Variants in HGSNAT observed in about 807,000 individuals in gnomAD.
The protein encoded by HGSNAT is transmembrane protein 76.
Under a neutral mutation model 85.2 loss-of-function variants are expected in HGSNAT, and 59 were observed. That is an observed-to-expected ratio of 0.69 (90% CI 0.56 to 0.86). The LOEUF (loss-of-function observed/expected upper bound fraction) is 0.86. Among genes scored for constraint, HGSNAT ranks in the 40% least tolerant of loss-of-function variants. The pLI is 0.00. For synonymous variants in HGSNAT, 321 were observed against 304.5 expected, an observed-to-expected ratio of 1.05 and a Z score of -0.56; for missense variants, 756 against 777.1, an observed-to-expected ratio of 0.97 and a Z score of 0.32.
chr8:43,169,204 G>A lies in HGSNAT; in HGVS notation c.595G>A (p.Ala199Thr). The A allele has an allele frequency of 6.3e-7, 1 of 1,583,486 alleles. No homozygotes were observed. The highest frequency in any genetic ancestry group is 8.6e-7 in the Non-Finnish European group (1 of 1,163,298). ...LDDFNNWISK[A>T]ISSRETDRLI... The stretch of plus-strand genomic sequence containing the variant: ...TGACTTTAACAATTGGATTTCTAAA[G>A]CCATAAGTTCTCGAGAAACTGATCG... The change falls in exon 6 of 18, where the codon GCC (alanine) becomes ACC (threonine). Residue 199 changes from alanine (A) to threonine (T), a missense_variant. By Grantham distance (58) the Ala-to-Thr change is moderately conservative. Coordinates refer to ENST00000379644, the MANE Select transcript of HGSNAT (RefSeq NM_152419.3).
chr8:43,169,869 G>A (rs1045459545), intron 6 of HGSNAT, among the ~76,000 whole-genome samples: 3 of 152,188 alleles, frequency 2.0e-5, no homozygotes, highest in Non-Finnish European at 4.4e-5. Flanking sequence ...TGCCCAGGCT[G>A]GAGTTCAGTG....
chr8:43,141,702 T>C (rs1448123364), intron 1 of HGSNAT, among the ~76,000 whole-genome samples: 1 of 152,034 alleles, frequency 6.6e-6, no homozygotes, highest in Non-Finnish European at 1.5e-5. Context: ...AGAAAGGCGT[T>C]GTGAATTTTG....
intron 2 of HGSNAT, among the ~76,000 whole-genome samples, chr8:43,157,607 C>G (rs905857698): frequency 6.6e-6 from 1 of 152,084 alleles, no homozygotes; most frequent in Non-Finnish European, 1.5e-5. Flanking sequence ...AAAACCCCAT[C>G]TCTACCAAAA....
chr8:43,196,547 C>T (rs1177767873), intron 14 of HGSNAT: 3 of 1,281,016 alleles, frequency 2.3e-6, no homozygotes, highest in Admixed American at 2.3e-5. Context: ...CCAGGTGCCC[C>T]TTCTCCTCCT....
rs989991737 is a variant in HGSNAT at position 43,194,111 on chromosome 8, C to A, written c.1464+268C>A. 11 of 1,208,232 alleles carry A rather than the reference C, an allele frequency of 9.1e-6. No individual in the cohort carries two copies. The African/African-American group carries it at 1.6e-4, about 17-fold the overall frequency. The allele number at this position is 1,208,232 out of a possible 1,614,324, so 74.8% of individuals were successfully genotyped here. The stretch of plus-strand genomic sequence containing the variant: ...ACGGCAGTTTCTAGATAAAAGGTTT[C>A]CCTTGCCAAGCTGCAGTGGCTCATG... On this transcript the variant is annotated intron_variant, in intron 14 of 17. Transcript: ENST00000379644.
chr8:43,142,684 C>G (rs1042519596), intron 1 of HGSNAT, among the ~76,000 whole-genome samples: 2 of 152,118 alleles, frequency 1.3e-5, no homozygotes, highest in Admixed American at 6.5e-5. Context: ...TTTAATTGGT[C>G]TGGAATGGGG....
intron 5 of HGSNAT, among the ~76,000 whole-genome samples, chr8:43,165,026 G>A (rs1803388653): frequency 6.6e-6 from 1 of 150,512 alleles, no homozygotes; most frequent in African/African-American, 2.5e-5. Flanking sequence ...GGGACTAGAG[G>A]CATGTGCCAC....
chr8:43,188,401 A>G (rs1015044062), intron 11 of HGSNAT, among the ~76,000 whole-genome samples: 2 of 152,088 alleles, frequency 1.3e-5, no homozygotes, highest in Non-Finnish European at 2.9e-5. Flanking sequence ...TTGATCTTCA[A>G]TCACTGATAC....
Position 43,146,974 on chromosome 8 carries a change from C to G in HGSNAT, c.145C>G (p.Leu49Val), listed in dbSNP as rs372961495. The G allele has an allele frequency of 1.9e-6, 3 of 1,604,476 alleles. No individual in the cohort carries two copies. The highest frequency in any genetic ancestry group is 4.5e-5 in the East Asian group (2 of 44,730). Reference protein sequence around the residue: ...RDLDKKRHAELKMDQALLLIH... With the variant: ...RDLDKKRHAEVKMDQALLLIH... ...CTTAGACAAAAAAAGACATGCAGAG[C>G]TGAAGATGGATCAGGCTTTGCTACT... Residue 49 changes from leucine to valine, a missense_variant, in exon 2 of 18, where the codon CTG becomes GTG. By Grantham distance (32) the Leu-to-Val change is conservative. Coordinates refer to ENST00000379644, the MANE Select transcript of HGSNAT (RefSeq NM_152419.3).
intron 5 of HGSNAT, among the ~76,000 whole-genome samples, chr8:43,162,707 A>G (rs1024450653): frequency 6.6e-6 from 1 of 151,184 alleles, no homozygotes; most frequent in African/African-American, 2.4e-5. Context: ...ATGCATCACC[A>G]TGCCTGGCTA....
chr8:43,196,401 T>G, intron 14 of HGSNAT: 1 of 1,231,086 alleles, frequency 8.1e-7, no homozygotes. Context: ...CTGCCTCTGG[T>G]TCCACCCTGT....
chr8:43,199,010 T>C (rs1015954678), intron 17 of HGSNAT, among the ~76,000 whole-genome samples: 2 of 152,180 alleles, frequency 1.3e-5, no homozygotes, highest in African/African-American at 4.8e-5. Flanking sequence ...CAAGTGATTC[T>C]TGTGCCTCAG....
chr8:43,150,650 G>A lies in HGSNAT; in HGVS notation c.234+3587G>A, dbSNP rs189462212. 9.1e-4 allele frequency among the ~76,000 whole-genome samples: 139 copies of A among 152,122 alleles called. No individual in the cohort carries two copies. In the East Asian group the frequency reaches 0.016, roughly 18 times the overall value. ...AGATCGAGACCATCCTGGCCAACACGGTGAAACCCTGTCTCTACTAAAAAA... is the reference window on the plus strand; with the variant it reads ...AGATCGAGACCATCCTGGCCAACACAGTGAAACCCTGTCTCTACTAAAAAA... On this transcript the variant is annotated intron_variant, in intron 2 of 17. Coordinates refer to ENST00000379644, the MANE Select transcript of HGSNAT (RefSeq NM_152419.3).
intron 1 of HGSNAT, among the ~76,000 whole-genome samples, chr8:43,146,490 C>T (rs995437889): frequency 6.6e-6 from 1 of 152,092 alleles, no homozygotes; most frequent in Non-Finnish European, 1.5e-5. Context: ...ATTGAAAAAC[C>T]GTGGTCACAG....
chr8:43,163,575 G>A (rs1803338293), intron 5 of HGSNAT, among the ~76,000 whole-genome samples: 1 of 150,766 alleles, frequency 6.6e-6, no homozygotes, highest in African/African-American at 2.4e-5. Flanking sequence ...CACGCAGGCT[G>A]GAGTGCAGTG....
chr8:43,149,387 T>C (rs1802821272), intron 2 of HGSNAT, among the ~76,000 whole-genome samples: 1 of 152,138 alleles, frequency 6.6e-6, no homozygotes, highest in Non-Finnish European at 1.5e-5. Context: ...TTTTAAATTT[T>C]GAAATTTAAT....
chr8:43,192,783 A>C (rs1170322210), intron 13 of HGSNAT, among the ~76,000 whole-genome samples: 1 of 152,108 alleles, frequency 6.6e-6, no homozygotes, highest in Non-Finnish European at 1.5e-5. Flanking sequence ...AAAAAACAAA[A>C]AAAAAAGCAA....
intron 14 of HGSNAT, among the ~76,000 whole-genome samples, chr8:43,194,913 G>C (rs765727397): frequency 4.6e-5 from 7 of 152,078 alleles, no homozygotes; most frequent in Non-Finnish European, 1.0e-4. Flanking sequence ...CTTGATCTTG[G>C]ACTTCCCAAC....
At chr8:43,140,915 T>C (rs914562017) in intron 1 of HGSNAT, among the ~76,000 whole-genome samples, 12 of 152,202 alleles carry the variant, frequency 7.9e-5, no homozygotes, top group East Asian at 7.8e-4. Context: ...GCCTTCCGTC[T>C]AAACAGAGGC....
Sources: gnomAD v4.1 joint callset for allele counts (sites outside exome capture counted in the v4.1 genomes callset) on GRCh38, gnomAD v4.1.1 for gene constraint, MANE v1.5 for transcripts, NCBI Gene and HGNC (gene_info 2026-07-23, HGNC 2026-07-21) for gene names.